The following PPARG variants were observed in gnomAD, a reference collection of about 807,000 sequenced individuals.
PPARG encodes the protein peroxisome proliferator-activated receptor gamma.
PPARG carries 17 observed loss-of-function variants against 39.2 expected under a neutral mutation model. That is an observed-to-expected ratio of 0.43 (90% CI 0.30 to 0.65). The LOEUF is 0.65. Among genes scored for constraint, PPARG ranks in the 30% least tolerant of loss-of-function variants. The pLI is 0.13. For synonymous variants in PPARG, 223 were observed against 215.7 expected (o/e 1.03, Z -0.30); for missense variants, 406 against 585.9 (o/e 0.69, Z 3.17).
At chr3:12,402,206 G>C (rs915855654) in intron 5 of PPARG, among the ~76,000 whole-genome samples, 1 of 152,176 alleles carries the variant, frequency 6.6e-6, no homozygotes, top group Non-Finnish European at 1.5e-5. Flanking sequence ...AGACAGTATT[G>C]TGTGGTCTGT....
At chr3:12,424,215 T>C (rs1040688117) in intron 7 of PPARG, among the ~76,000 whole-genome samples, 1 of 152,224 alleles carries the variant, frequency 6.6e-6, no homozygotes, top group African/African-American at 2.4e-5. Flanking sequence ...GGGGATAGAA[T>C]GATGGGGAGG....
chr3:12,329,658 G>A (rs1025918761), intron 2 of PPARG, among the ~76,000 whole-genome samples: 1 of 151,698 alleles, frequency 6.6e-6, no homozygotes, highest in Non-Finnish European at 1.5e-5. Flanking sequence ...TAAAATTTAC[G>A]ATTTTAACCA....
At chr3:12,326,553 C>T (rs2047699860) in intron 2 of PPARG, among the ~76,000 whole-genome samples, 1 of 152,118 alleles carries the variant, frequency 6.6e-6, no homozygotes, top group Non-Finnish European at 1.5e-5. Flanking sequence ...TTTTGGAAGT[C>T]ACTCATTGTT....
intron 7 of PPARG, among the ~76,000 whole-genome samples, chr3:12,417,651 C>T (rs565599585): frequency 6.6e-6 from 1 of 152,270 alleles, no homozygotes; most frequent in South Asian, 2.1e-4. Flanking sequence ...TTAAGGAATA[C>T]CTACTGACCT....
At chr3:12,426,536 C>T (rs1159785532) in intron 7 of PPARG, among the ~76,000 whole-genome samples, 2 of 144,630 alleles carry the variant, frequency 1.4e-5, no homozygotes, top group African/African-American at 2.6e-5. Context: ...CGGAAAGCAG[C>T]GGGGGGCAGG....
Position 12,392,768 on chromosome 3 carries a change from T to C in PPARG, c.529+16T>C, listed in dbSNP as rs1342570584. On this transcript the variant is annotated intron_variant, in intron 5 of 7. Coordinates refer to ENST00000651735, the MANE Select transcript of PPARG (RefSeq NM_138711.6). ...TCTCATAATGGTAAGTAAACAGTCA[T>C]CACCATATACTTTATTATTCTCATT... is the stretch of plus-strand genomic sequence containing the variant. 1.2e-6 allele frequency: 2 copies of C among 1,613,458 alleles called. No individual in the cohort carries two copies. The highest frequency in any genetic ancestry group is 1.7e-5 in the Admixed American group (1 of 59,944).
intron 1 of PPARG, among the ~76,000 whole-genome samples, chr3:12,293,256 A>G (rs1260562903): frequency 6.6e-6 from 1 of 152,166 alleles, no homozygotes; most frequent in African/African-American, 2.4e-5. Context: ...AGTTCAGTTC[A>G]GTTGGATTCA....
intron 7 of PPARG, 101 bp downstream of exon 7, chr3:12,417,255 T>G: frequency 8.7e-7 from 1 of 1,152,038 alleles, no homozygotes; most frequent in Admixed American, 2.0e-5. Flanking sequence ...ATTGTCACTT[T>G]AAGTGCCAGT....
At chr3:12,319,876 A>G (rs989774037) in intron 2 of PPARG, among the ~76,000 whole-genome samples, 3 of 152,170 alleles carry the variant, frequency 2.0e-5, no homozygotes, top group African/African-American at 7.2e-5. Context: ...AAGATCAAAT[A>G]TATAAAGGGT....
intron 7 of PPARG, among the ~76,000 whole-genome samples, chr3:12,422,906 A>AGAAAAGAAAAAG (rs1250355722): frequency 6.6e-6 from 1 of 151,542 alleles, no homozygotes; most frequent in Non-Finnish European, 1.5e-5. Context: ...AAAGAAAAAG[A>AGAAAAGAAAAAG]AAAAAGAATC....
chr3:12,424,382 G>T (rs1031413968), intron 7 of PPARG, among the ~76,000 whole-genome samples: 2 of 152,198 alleles, frequency 1.3e-5, no homozygotes, highest in Non-Finnish European at 2.9e-5. Flanking sequence ...ATCCCAGTGA[G>T]CGAGCAAGCA....
chr3:12,293,477 C>A (rs990563275), intron 1 of PPARG, among the ~76,000 whole-genome samples: 1 of 152,080 alleles, frequency 6.6e-6, no homozygotes, highest in African/African-American at 2.4e-5. Flanking sequence ...AGAAGTCCTT[C>A]GCAGTTTGCC....
chr3:12,388,666 A>G (rs369917891), intron 4 of PPARG, among the ~76,000 whole-genome samples: 22 of 152,346 alleles, frequency 1.4e-4, no homozygotes, highest in Admixed American at 5.2e-4. Context: ...AATGACATTC[A>G]TCATCAACAA....
chr3:12,362,186 A>G (rs2048867574), intron 2 of PPARG, among the ~76,000 whole-genome samples: 2 of 152,142 alleles, frequency 1.3e-5, no homozygotes, highest in East Asian at 3.8e-4. Flanking sequence ...TTGCTAAATT[A>G]TTTTATTAAC....
chr3:12,391,483 G>A lies in PPARG; in HGVS notation c.391-1131G>A, dbSNP rs895888613. On this transcript the variant is annotated intron_variant, in intron 4 of 7. Coordinates refer to ENST00000651735, the MANE Select transcript of PPARG (RefSeq NM_138711.6). ...AAGGAAATAGGCAAGTGTGTATTTA[G>A]AGAAAGCTTTCTTCTTGAGGAAAGA... is the stretch of plus-strand genomic sequence containing the variant. Among the ~76,000 whole-genome samples the A allele has an allele frequency of 3.9e-5, 6 of 152,286 alleles. No homozygotes were observed. The South Asian group carries it at 1.2e-3, about 32-fold the overall frequency.
At chr3:12,382,636 A>G (rs990593641) in intron 4 of PPARG, among the ~76,000 whole-genome samples, 19 of 152,192 alleles carry the variant, frequency 1.2e-4, no homozygotes, top group Admixed American at 6.5e-4. Flanking sequence ...GTTTTCATAC[A>G]TCAGTATTTA....
chr3:12,392,897 C>T, intron 5 of PPARG, 145 bp downstream of exon 5: 1 of 1,075,810 alleles, frequency 9.3e-7, no homozygotes. Context: ...AAACATTTCT[C>T]TTTTAGGTCA....
At chr3:12,355,074 A>G (rs1482723693) in intron 2 of PPARG, among the ~76,000 whole-genome samples, 7 of 152,192 alleles carry the variant, frequency 4.6e-5, no homozygotes. Context: ...AGAAACTTGG[A>G]TTATAATGTT....
intron 1 of PPARG, among the ~76,000 whole-genome samples, chr3:12,311,405 A>G (rs1294873153): frequency 6.6e-6 from 1 of 152,184 alleles, no homozygotes; most frequent in African/African-American, 2.4e-5. Flanking sequence ...TAGAAGTACT[A>G]AACAATGCCA....
Sources: allele counts gnomAD v4.1 joint callset (sites outside exome capture counted in the v4.1 genomes callset), GRCh38; gene constraint gnomAD v4.1.1; transcripts MANE v1.5; gene names NCBI Gene and HGNC (gene_info 2026-07-23, HGNC 2026-07-21).